NUP155: variants seen among roughly 807,000 people sequenced by gnomAD.
The protein encoded by NUP155 is nucleoporin 155, also known as nuclear pore complex protein Nup155.
Under a neutral mutation model 180.4 loss-of-function variants are expected in NUP155, and 71 were observed. The ratio of observed to expected loss-of-function variants is 0.39; its 90% CI spans 0.33 to 0.48. NUP155 has a LOEUF of 0.48. Among genes scored for constraint, NUP155 ranks in the 20% least tolerant of loss-of-function variants. The pLI, the probability that NUP155 is intolerant of heterozygous loss-of-function variation, is 0.91. For missense variants in NUP155, 1,553 were observed against 1,648.9 expected, an observed-to-expected ratio of 0.94 and a Z score of 1.01; for synonymous variants, 582 against 559.5, an observed-to-expected ratio of 1.04 and a Z score of -0.57.
At chr5:37,323,256 G>A (rs1403276676) in intron 20 of NUP155, among the ~76,000 whole-genome samples, 1 of 152,224 alleles carries the variant, frequency 6.6e-6, no homozygotes, top group Non-Finnish European at 1.5e-5. Context: ...TCGTACTCCA[G>A]CACGGGTGAC....
chr5:37,353,317 G>T (rs1280948333), intron 4 of NUP155, among the ~76,000 whole-genome samples: 1 of 152,014 alleles, frequency 6.6e-6, no homozygotes, highest in Admixed American at 6.6e-5. Context: ...TAAGAAAGTT[G>T]GCCGGGCACG....
chr5:37,295,888 C>A (rs1742522356), intron 32 of NUP155, among the ~76,000 whole-genome samples: 1 of 148,598 alleles, frequency 6.7e-6, no homozygotes, highest in African/African-American at 2.5e-5. Context: ...GGGGGTCAGC[C>A]CCCCGCCTGG....
chr5:37,315,655 G>A lies in NUP155; in HGVS notation c.2306-1327C>T, dbSNP rs1191435357. 3.3e-5 allele frequency among the ~76,000 whole-genome samples: 5 copies of A among 152,114 alleles called. No individual in the cohort carries two copies. In the South Asian group the frequency reaches 8.3e-4, roughly 25 times the overall value. On this transcript the variant is annotated intron_variant, in intron 21 of 34. Coordinates refer to ENST00000231498, the MANE Select transcript of NUP155 (RefSeq NM_153485.3). Reference sequence around the variant, plus strand: ...ATTGCTACTAGAAGTATAAAATGCTGTGGCTGGCCAGGCGCAGTGGCTCAC... The same window carrying A: ...ATTGCTACTAGAAGTATAAAATGCTATGGCTGGCCAGGCGCAGTGGCTCAC...
chr5:37,358,776 T>A (rs1405382332), intron 3 of NUP155, among the ~76,000 whole-genome samples: 1 of 152,300 alleles, frequency 6.6e-6, no homozygotes, highest in Non-Finnish European at 1.5e-5. Context: ...CCCAGCACTT[T>A]GGGAGGCCGG....
At chr5:37,300,657 T>G (rs1742811133) in intron 30 of NUP155, among the ~76,000 whole-genome samples, 1 of 151,152 alleles carries the variant, frequency 6.6e-6, no homozygotes, top group Non-Finnish European at 1.5e-5. Context: ...TTTGGTTTTT[T>G]AGTTTTTTTT....
At chr5:37,347,296 T>G (rs953704637) in intron 9 of NUP155, among the ~76,000 whole-genome samples, 3 of 150,860 alleles carry the variant, frequency 2.0e-5, no homozygotes, top group African/African-American at 7.4e-5. Flanking sequence ...ACATGCAGTT[T>G]CCTAGTCATG....
At chr5:37,319,678 C>A (rs1211191292) in intron 20 of NUP155, among the ~76,000 whole-genome samples, 1 of 151,994 alleles carries the variant, frequency 6.6e-6, no homozygotes, top group Non-Finnish European at 1.5e-5. Context: ...TCAACGTGGG[C>A]AAAACAGTGA....
At chr5:37,315,371 G>A (rs1743816904) in intron 21 of NUP155, among the ~76,000 whole-genome samples, 1 of 152,132 alleles carries the variant, frequency 6.6e-6, no homozygotes, top group East Asian at 1.9e-4. Context: ...ACTTGTATCT[G>A]GAATAACTGA....
In NUP155 at chr5:37,333,580, C is replaced by T. The variant is rs1404820245; in HGVS notation, c.1401G>A (p.Leu467=). The stretch of plus-strand genomic sequence containing the variant: ...AAGGTGTAATTATTTTATCTACTTT[C>T]AATTCATCTATCGCAGAAAGAGCCC... The part of the protein sequence containing the change: ...HSWALSAIDE[L]KVDKIITPLN... Residue 467 remains leucine, a synonymous_variant, in exon 13 of 35, where the codon TTG becomes TTA. Coordinates refer to ENST00000231498, the MANE Select transcript of NUP155 (RefSeq NM_153485.3). The T allele has an allele frequency of 1.2e-6, 2 of 1,613,668 alleles. No individual in the cohort carries two copies. Among genetic ancestry groups the T allele is most frequent in the East Asian group, 2.2e-5 (1 of 44,858 alleles).
Position 37,350,261 on chromosome 5 carries a change from T to C in NUP155, c.728A>G (p.Glu243Gly). Residue 243 changes from glutamate (E) to glycine (G), a missense_variant, in exon 7 of 35, where the codon GAA (glutamate) becomes GGA (glycine). Physicochemically the swap from Glu to Gly is moderately conservative, Grantham distance 98. Transcript: ENST00000231498. ...ACATCTTTGGCTAAACCACCCTGCT[T>C]CAGCCTTAAAGAAAAAAGTAGAAAG... ...GCLYEVAYQA[E>G]AGWFSQRCRK... 6.2e-7 allele frequency: 1 copy of C among 1,612,174 alleles called. No homozygotes were observed. The highest frequency in any genetic ancestry group is 8.5e-7 in the Non-Finnish European group (1 of 1,178,404).
chr5:37,367,702 A>G (rs1747689628), intron 1 of NUP155, among the ~76,000 whole-genome samples: 1 of 148,716 alleles, frequency 6.7e-6, no homozygotes. Flanking sequence ...CCGGCTAATT[A>G]TTTTGTATTT....
At chr5:37,299,672 T>C (rs1231683456) in intron 30 of NUP155, 104 bp from the exon 31 acceptor site, 1 of 1,175,754 alleles carries the variant, frequency 8.5e-7, no homozygotes, top group African/African-American at 1.5e-5. Flanking sequence ...AGATTTTACA[T>C]AAAGTTTCTG....
chr5:37,299,584 C>A lies in NUP155; in HGVS notation c.3562-16G>T. The A allele has an allele frequency of 6.2e-7, 1 of 1,613,074 alleles. No individual in the cohort carries two copies. The highest frequency in any genetic ancestry group is 1.1e-5 in the South Asian group (1 of 91,060). On this transcript the variant is annotated splice_polypyrimidine_tract_variant and intron_variant, in intron 30 of 34. Coordinates refer to ENST00000231498, the MANE Select transcript of NUP155 (RefSeq NM_153485.3). ...CCCCATAAAGCTGTGAGAGAAAATC[C>A]CAAAATTAACATCCAACTAGAGATC...
At chr5:37,358,699 G>C (rs1426793262) in intron 3 of NUP155, among the ~76,000 whole-genome samples, 1 of 152,024 alleles carries the variant, frequency 6.6e-6, no homozygotes, top group Non-Finnish European at 1.5e-5. Context: ...CTCTTTATTA[G>C]TTAAATAAAT....
At chr5:37,297,360 G>T (rs1469321220) in intron 32 of NUP155, among the ~76,000 whole-genome samples, 1 of 151,844 alleles carries the variant, frequency 6.6e-6, no homozygotes, top group Non-Finnish European at 1.5e-5. Flanking sequence ...TCCTTAAAAA[G>T]AACTATGTAC....
intron 27 of NUP155, among the ~76,000 whole-genome samples, chr5:37,304,436 C>T (rs1187046834): frequency 6.6e-6 from 1 of 152,006 alleles, no homozygotes; most frequent in Non-Finnish European, 1.5e-5. Context: ...AAGGACATAT[C>T]TGAAGTCACA....
chr5:37,366,827 T>C (rs924310772), intron 1 of NUP155, among the ~76,000 whole-genome samples: 1 of 152,102 alleles, frequency 6.6e-6, no homozygotes, highest in African/African-American at 2.4e-5. Context: ...AATTTTTTTA[T>C]TTTTAGTAGA....
intron 25 of NUP155, 118 bp downstream of exon 25, chr5:37,307,179 C>T (rs1743206689): frequency 3.1e-6 from 3 of 977,884 alleles, no homozygotes; most frequent in African/African-American, 3.6e-5. Flanking sequence ...GCCCAGGTGA[C>T]AGAGCAAGAC....
At chr5:37,332,057 T>C (rs1744998728) in intron 13 of NUP155, among the ~76,000 whole-genome samples, 1 of 151,244 alleles carries the variant, frequency 6.6e-6, no homozygotes, top group African/African-American at 2.4e-5. Context: ...TAGATCTATA[T>C]ATCTATAAAG....
Sources: allele counts gnomAD v4.1 joint callset (sites outside exome capture counted in the v4.1 genomes callset), GRCh38; gene constraint gnomAD v4.1.1; transcripts MANE v1.5; gene names NCBI Gene and HGNC (gene_info 2026-07-23, HGNC 2026-07-21).